The following TRAM2 variants were observed in gnomAD, a reference collection of about 807,000 sequenced individuals.
TRAM2 encodes the protein translocating chain-associated membrane protein 2.
A neutral mutation model predicts 51.0 loss-of-function variants in TRAM2; 12 were observed. The ratio of observed to expected loss-of-function variants is 0.24; its 90% CI spans 0.15 to 0.38. TRAM2 has a LOEUF of 0.38. Among genes scored for constraint, TRAM2 ranks in the 10% least tolerant of loss-of-function variants. The pLI, the probability that TRAM2 is intolerant of heterozygous loss-of-function variation, is 1.00. For missense variants in TRAM2, 361 were observed against 462.0 expected (o/e 0.78, Z 2.00); for synonymous variants, 175 against 179.4 (o/e 0.98, Z 0.20).
At chr6:52,555,446 C>T (rs1027838986) in intron 1 of TRAM2, among the ~76,000 whole-genome samples, 12 of 151,810 alleles carry the variant, frequency 7.9e-5, no homozygotes, top group Non-Finnish European at 1.6e-4. Context: ...CAGATATAAG[C>T]GTGGAGAAAA....
intron 1 of TRAM2, among the ~76,000 whole-genome samples, chr6:52,541,527 CAG>C (rs1400154845): frequency 2.0e-5 from 3 of 152,174 alleles, no homozygotes; most frequent in African/African-American, 7.2e-5. Flanking sequence ...GAGGTCTTTC[CAG>C]AAGTTTAAAA....
intron 1 of TRAM2, among the ~76,000 whole-genome samples, chr6:52,552,087 G>C (rs1229663047): frequency 6.6e-6 from 1 of 152,272 alleles, no homozygotes; most frequent in Non-Finnish European, 1.5e-5. Flanking sequence ...GCCACGTGCT[G>C]ACAAGCAGGC....
intron 9 of TRAM2, 116 bp downstream of exon 9, chr6:52,505,482 CA>C (rs1184102079): frequency 2.1e-6 from 3 of 1,414,076 alleles, no homozygotes; most frequent in Non-Finnish European, 2.8e-6. Context: ...CAGAGATTTC[CA>C]AAAAATAACA....
chr6:52,567,677 A>AT (rs1480269980), intron 1 of TRAM2, among the ~76,000 whole-genome samples: 1 of 152,248 alleles, frequency 6.6e-6, no homozygotes, highest in Non-Finnish European at 1.5e-5. Flanking sequence ...CCACAGATTT[A>AT]GTTTTGAAAC....
In TRAM2 at chr6:52,500,105, A is replaced by C. The variant is rs868780111; in HGVS notation, c.*3092T>G. On this transcript the variant is annotated 3_prime_UTR_variant, in exon 11 of 11. Coordinates refer to ENST00000182527, the MANE Select transcript of TRAM2 (RefSeq NM_012288.4). ...GCTTCCCCACAAATGTAAGTTAGTT[A>C]GCCAGGGCTGTCGAGAGGCCACAGT... 5.9e-5 allele frequency: 9 copies of C among 152,498 alleles called. No individual in the cohort carries two copies. Among genetic ancestry groups the C allele is most frequent in the Admixed American group, 6.5e-5 (1 of 15,276 alleles). 9.4% of individuals were successfully genotyped at this position (152,498 alleles called of 1,614,324 possible). A position where few individuals can be genotyped will look rare whatever the true frequency, so the allele number is the denominator to read the frequency against.
At chr6:52,560,623 C>T (rs972919044) in intron 1 of TRAM2, among the ~76,000 whole-genome samples, 3 of 152,164 alleles carry the variant, frequency 2.0e-5, no homozygotes, top group East Asian at 1.9e-4. Flanking sequence ...TCCTGTGTCC[C>T]GTGTGTTTTG....
intron 2 of TRAM2, chr6:52,524,093 CTG>C (rs1397330999): frequency 6.6e-6 from 1 of 152,144 alleles, no homozygotes; most frequent in Non-Finnish European, 1.5e-5. Flanking sequence ...AAAACTGTAA[CTG>C]AGAGATTTAT....
At chr6:52,569,434 C>T (rs1049963820) in intron 1 of TRAM2, among the ~76,000 whole-genome samples, 2 of 150,864 alleles carry the variant, frequency 1.3e-5, no homozygotes, top group Admixed American at 1.3e-4. Context: ...GTTTAAACCA[C>T]CAAATCTATG....
chr6:52,542,324 A>C (rs1767116440), intron 1 of TRAM2, among the ~76,000 whole-genome samples: 2 of 151,578 alleles, frequency 1.3e-5, no homozygotes, highest in African/African-American at 2.4e-5. Flanking sequence ...TTATGTCCCA[A>C]GCCCACTGAT....
chr6:52,556,860 G>A (rs1353185238), intron 1 of TRAM2, among the ~76,000 whole-genome samples: 8 of 151,928 alleles, frequency 5.3e-5, no homozygotes, highest in South Asian at 4.2e-4. Context: ...CCCAGGAGGC[G>A]GAGGTTGCAG....
In TRAM2 at chr6:52,544,598, T is replaced by C. The variant is rs1767165136; in HGVS notation, c.121-8752A>G. Among the ~76,000 whole-genome samples the C allele has an allele frequency of 3.9e-5, 6 of 152,120 alleles. No individual in the cohort carries two copies. In the East Asian group the frequency reaches 1.2e-3, roughly 29 times the overall value. On this transcript the variant is annotated intron_variant, in intron 1 of 10. Transcript: ENST00000182527. ...GGCGTTTGAGTCCATCTTGCTCGAG[T>C]CTACAAAGACCGGCCAATGACCACC...
At chr6:52,534,722 T>C (rs955973077) in intron 2 of TRAM2, among the ~76,000 whole-genome samples, 2 of 152,178 alleles carry the variant, frequency 1.3e-5, no homozygotes, top group African/African-American at 2.4e-5. Context: ...AAAAGGAAGC[T>C]CTTAGGCTCA....
At chr6:52,570,629 C>T (rs1171796313) in intron 1 of TRAM2, among the ~76,000 whole-genome samples, 4 of 152,052 alleles carry the variant, frequency 2.6e-5, no homozygotes, top group African/African-American at 9.7e-5. Context: ...GCGAGTGAAG[C>T]ATTTCACAGA....
intron 1 of TRAM2, among the ~76,000 whole-genome samples, chr6:52,565,826 T>C (rs1466650576): frequency 6.6e-6 from 1 of 152,212 alleles, no homozygotes; most frequent in Admixed American, 6.5e-5. Context: ...TTCTGTCCAC[T>C]GAACACGCCA....
At chr6:52,503,361 C>G in intron 10 of TRAM2, 91 bp from the exon 11 acceptor site, 1 of 1,188,456 alleles carries the variant, frequency 8.4e-7, no homozygotes, top group Non-Finnish European at 1.3e-6. Context: ...GGAAGGGGCC[C>G]GGGCAGCCCA....
chr6:52,510,037 G>C (rs1766425010), intron 4 of TRAM2, among the ~76,000 whole-genome samples: 1 of 152,154 alleles, frequency 6.6e-6, no homozygotes, highest in Non-Finnish European at 1.5e-5. Context: ...TAATGAATAA[G>C]CAAATGAACT....
chr6:52,530,803 G>A (rs921740590), intron 2 of TRAM2, among the ~76,000 whole-genome samples: 44 of 152,124 alleles, frequency 2.9e-4, no homozygotes, highest in Admixed American at 2.8e-3. Flanking sequence ...CAGCCACTAG[G>A]TTTGTGGTAC....
rs113028356 is a variant in TRAM2, at chr6:52,541,875, G to A, written c.121-6029C>T. Among the ~76,000 whole-genome samples, 164 of 148,208 alleles carry A rather than the reference G, an allele frequency of 1.1e-3. 1 individual carries two copies. Among genetic ancestry groups the A allele is most frequent in the Middle Eastern group, 7.0e-3 (2 of 284 alleles). ...GGGCTGTGTGGGCAGACCAGCCCCC[G>A]GGGGCAGACAGGGTACAGAAGGCCT... On this transcript the variant is annotated intron_variant, in intron 1 of 10. Coordinates refer to ENST00000182527, the MANE Select transcript of TRAM2 (RefSeq NM_012288.4).
chr6:52,502,936 A>C lies in TRAM2; in HGVS notation c.*261T>G, dbSNP rs1236649593. Reference sequence around the variant, plus strand: ...CGCCTGGCGTTCCAGAAAAGCCAGCACAGGACAGGAGTGAGGACAGGAGGT... The same window carrying C: ...CGCCTGGCGTTCCAGAAAAGCCAGCCCAGGACAGGAGTGAGGACAGGAGGT... On this transcript the variant is annotated 3_prime_UTR_variant, in exon 11 of 11. Transcript: ENST00000182527. The C allele has an allele frequency of 1.0e-5, 5 of 492,854 alleles. No homozygotes were observed. The highest frequency in any genetic ancestry group is 3.2e-5 in the South Asian group (1 of 30,922). The allele number at this position is 492,854 out of a possible 1,614,324, so 30.5% of individuals were successfully genotyped here.
Sources: allele counts gnomAD v4.1 joint callset (sites outside exome capture counted in the v4.1 genomes callset), GRCh38; gene constraint gnomAD v4.1.1; transcripts MANE v1.5; gene names NCBI Gene and HGNC (gene_info 2026-07-23, HGNC 2026-07-21).